OXR1: variants seen among roughly 807,000 people sequenced by gnomAD.
OXR1 encodes oxidation resistance protein 1.
A neutral mutation model predicts 104.6 loss-of-function variants in OXR1; 41 were observed. The ratio of observed to expected loss-of-function variants is 0.39; its 90% CI spans 0.31 to 0.51. OXR1 has a LOEUF of 0.51. OXR1 is among the 20% of genes least tolerant of loss of function. The pLI is 0.77. For synonymous variants in OXR1, 348 were observed against 348.4 expected (o/e 1.00, Z 0.01); for missense variants, 955 against 1,031.9 (o/e 0.93, Z 1.02).
At chr8:106,361,379 C>G (rs1816237447) in intron 2 of OXR1, among the ~76,000 whole-genome samples, 1 of 152,166 alleles carries the variant, frequency 6.6e-6, no homozygotes, top group African/African-American at 2.4e-5. Context: ...ATCCTCGATT[C>G]TAGCTAGTGT....
chr8:106,390,512 A>G (rs558747303), intron 2 of OXR1, among the ~76,000 whole-genome samples: 35 of 152,312 alleles, frequency 2.3e-4, no homozygotes, highest in South Asian at 8.3e-4. Context: ...AAGGAAACTG[A>G]GATACAGAGA....
chr8:106,448,593 A>G (rs1234109909), intron 2 of OXR1, among the ~76,000 whole-genome samples: 2 of 152,204 alleles, frequency 1.3e-5, no homozygotes, highest in Non-Finnish European at 2.9e-5. Context: ...TTCTGTGAAT[A>G]ATAGTTTCAA....
intron 2 of OXR1, among the ~76,000 whole-genome samples, chr8:106,492,609 C>A (rs1320442052): frequency 6.6e-6 from 1 of 152,174 alleles, no homozygotes; most frequent in Non-Finnish European, 1.5e-5. Flanking sequence ...ACCATTCCCC[C>A]CTCCAGGCTC....
At chr8:106,706,360 T>G in intron 8 of OXR1, 22 bp from the exon 9 acceptor site, 3 of 1,519,750 alleles carry the variant, frequency 2.0e-6, no homozygotes, top group Non-Finnish European at 2.6e-6. Flanking sequence ...GTCTAATTAT[T>G]TTTAATTTTG....
intron 1 of OXR1, among the ~76,000 whole-genome samples, chr8:106,296,656 G>A (rs1237581322): frequency 2.6e-5 from 4 of 152,136 alleles, no homozygotes; most frequent in East Asian, 1.9e-4. Context: ...TTGATGAATA[G>A]TAGTAAGGCC....
At chr8:106,505,394 A>C (rs551899272) in intron 2 of OXR1, among the ~76,000 whole-genome samples, 1 of 152,320 alleles carries the variant, frequency 6.6e-6, no homozygotes, top group East Asian at 1.9e-4. Flanking sequence ...GGATACATAA[A>C]AGAAATCTAC....
intron 2 of OXR1, among the ~76,000 whole-genome samples, chr8:106,448,876 A>ATAACATCATTGATGTTGT (rs1820154369): frequency 6.6e-6 from 1 of 152,306 alleles, no homozygotes; most frequent in South Asian, 2.1e-4. Flanking sequence ...TCAGGTATAG[A>ATAACATCATTGATGTTGT]TAACATCATT....
intron 3 of OXR1, among the ~76,000 whole-genome samples, chr8:106,553,167 C>A (rs1362961359): frequency 6.6e-6 from 1 of 151,644 alleles, no homozygotes; most frequent in Non-Finnish European, 1.5e-5. Flanking sequence ...AACTAACCTG[C>A]ACATTGTGCA....
chr8:106,397,784 G>A (rs1329174802), intron 2 of OXR1, among the ~76,000 whole-genome samples: 3 of 151,990 alleles, frequency 2.0e-5, no homozygotes, highest in Non-Finnish European at 4.4e-5. Context: ...GTTAGATATC[G>A]AGTTGTACCT....
intron 2 of OXR1, among the ~76,000 whole-genome samples, chr8:106,468,698 A>G (rs1285590146): frequency 6.6e-6 from 1 of 151,770 alleles, no homozygotes; most frequent in Admixed American, 6.6e-5. Flanking sequence ...TTTATGGTTA[A>G]TATGGGCTAC....
At chr8:106,399,737 TA>T (rs965230364) in intron 2 of OXR1, among the ~76,000 whole-genome samples, 2 of 152,306 alleles carry the variant, frequency 1.3e-5, no homozygotes, top group African/African-American at 4.8e-5. Flanking sequence ...ATCTGTGTTT[TA>T]CAAATGAGAG....
chr8:106,684,331 C>T lies in OXR1; in HGVS notation c.497C>T (p.Ser166Leu). 1.3e-6 allele frequency: 2 copies of T among 1,594,578 alleles called. No homozygotes were observed. Among genetic ancestry groups the T allele is most frequent in the Non-Finnish European group, 1.7e-6 (2 of 1,162,384 alleles). Reference protein sequence around the residue: ...LSPVSPLSPTSSEAEFDKTTN... With the variant: ...LSPVSPLSPTLSEAEFDKTTN... ...CCCGTAAGTCCTCTGTCACCAACAT[C>T]ATCTGAGGCTGAATTTGATAAGACC... Residue 166 changes from serine (S) to leucine (L), a missense_variant, in exon 6 of 17, where the codon TCA becomes TTA. Around this residue, in one of 2 missense-constraint regions of OXR1, gnomAD observed 849 missense variants for 852.9 expected, o/e 1.00. Coordinates refer to ENST00000517566, the MANE Select transcript of OXR1 (RefSeq NM_001198533.2).
At chr8:106,662,842 TG>T (rs1825902083) in intron 3 of OXR1, among the ~76,000 whole-genome samples, 2 of 72,108 alleles carry the variant, frequency 2.8e-5, no homozygotes, top group African/African-American at 2.9e-4. Flanking sequence ...GTAAATGGGA[TG>T]ATGATGATGA....
chr8:106,679,301 T>C lies in OXR1; in HGVS notation c.303+9T>C. ...GGACTATTGAGTATACTGTAAGTTA[T>C]TTGCTTTCGAAAAAGCTATTTTTCT... is the stretch of plus-strand genomic sequence containing the variant. On this transcript the variant is annotated intron_variant, in intron 4 of 16. Coordinates refer to ENST00000517566, the MANE Select transcript of OXR1 (RefSeq NM_001198533.2). The C allele has an allele frequency of 6.8e-7, 1 of 1,475,458 alleles. No individual in the cohort carries two copies. Among genetic ancestry groups the C allele is most frequent in the Non-Finnish European group, 9.3e-7 (1 of 1,074,810 alleles). The allele number at this position is 1,475,458 out of a possible 1,614,324, so 91.4% of individuals were successfully genotyped here.
intron 3 of OXR1, among the ~76,000 whole-genome samples, chr8:106,526,494 T>C (rs1813671671): frequency 6.6e-6 from 1 of 152,212 alleles, no homozygotes; most frequent in South Asian, 2.1e-4. Flanking sequence ...AGTATTGAAA[T>C]TAAATATCAG....
intron 8 of OXR1, among the ~76,000 whole-genome samples, chr8:106,704,690 G>A (rs1403533298): frequency 2.6e-5 from 4 of 152,030 alleles, no homozygotes; most frequent in African/African-American, 7.2e-5. Context: ...GAGCCACGAT[G>A]CCTGGCTTTG....
intron 3 of OXR1, among the ~76,000 whole-genome samples, chr8:106,545,021 A>G (rs1207300027): frequency 2.0e-5 from 3 of 152,194 alleles, no homozygotes; most frequent in Non-Finnish European, 2.9e-5. Context: ...TTTGGGCCAT[A>G]GAATTATTTG....
At chr8:106,550,953 CT>C (rs1815753271) in intron 3 of OXR1, among the ~76,000 whole-genome samples, 1 of 152,106 alleles carries the variant, frequency 6.6e-6, no homozygotes, top group African/African-American at 2.4e-5. Flanking sequence ...TAGAATGGCC[CT>C]TTCTTTTATC....
chr8:106,613,539 C>T (rs949806768), intron 3 of OXR1, among the ~76,000 whole-genome samples: 2 of 152,212 alleles, frequency 1.3e-5, no homozygotes, highest in African/African-American at 4.8e-5. Flanking sequence ...GCTGGAAATA[C>T]AGGCATGTGC....
Sources: gnomAD v4.1 joint callset for allele counts (sites outside exome capture counted in the v4.1 genomes callset) on GRCh38, gnomAD v4.1.1 for gene constraint, gnomAD v4.1.1 regional missense constraint, MANE v1.5 for transcripts, NCBI Gene and HGNC (gene_info 2026-07-23, HGNC 2026-07-21) for gene names.